COL14A1: variants seen among roughly 807,000 people sequenced by gnomAD.
COL14A1 encodes the protein collagen alpha-1(XIV) chain.
Under a neutral mutation model 230.3 loss-of-function variants are expected in COL14A1, and 136 were observed. The ratio of observed to expected loss-of-function variants is 0.59; its 90% CI spans 0.51 to 0.68. COL14A1 has a LOEUF of 0.68. Among genes scored for constraint, COL14A1 ranks in the 30% least tolerant of loss-of-function variants. COL14A1 has a pLI of 0.00. For missense variants in COL14A1, 1,976 were observed against 2,215.8 expected (o/e 0.89, Z 2.17); for synonymous variants, 792 against 784.1 (o/e 1.01, Z -0.17).
intron 36 of COL14A1, 120 bp from the exon 37 acceptor site, chr8:120,309,889 C>A: frequency 1.1e-6 from 1 of 871,794 alleles, no homozygotes; most frequent in Non-Finnish European, 1.8e-6. Context: ...TATACTATTA[C>A]ACAGTGTGTT....
chr8:120,250,743 C>T lies in COL14A1; in HGVS notation c.2729C>T (p.Ala910Val), dbSNP rs1181305178. Residue 910 changes from alanine (A) to valine (V), a missense_variant, in exon 22 of 48, where the codon GCC (alanine) becomes GTC (valine). Around this residue, in one of 3 missense-constraint regions of COL14A1, gnomAD observed 1,791 missense variants for 2,019.5 expected, o/e 0.89. Transcript: ENST00000297848. ...TCCCAGGCCTCAGGCTTCAGCGACGCCCTGACAGGCATGGTGAAAACATGT... is the reference window on the plus strand; with the variant it reads ...TCCCAGGCCTCAGGCTTCAGCGACGTCCTGACAGGCATGGTGAAAACATGT... ...FASQASGFSDALTGMVKTLFL... is the reference protein window; with the variant it reads ...FASQASGFSDVLTGMVKTLFL... 2 of 1,614,194 alleles carry T rather than the reference C, an allele frequency of 1.2e-6. No homozygotes were observed. The highest frequency in any genetic ancestry group is 1.7e-6 in the Non-Finnish European group (2 of 1,180,044).
chr8:120,220,422 C>G (rs1432371689), intron 14 of COL14A1, among the ~76,000 whole-genome samples: 1 of 151,890 alleles, frequency 6.6e-6, no homozygotes, highest in Admixed American at 6.6e-5. Context: ...TATAGGCACG[C>G]ACCACCACGC....
intron 19 of COL14A1, among the ~76,000 whole-genome samples, chr8:120,241,444 C>T (rs1230168522): frequency 6.6e-6 from 1 of 152,078 alleles, no homozygotes; most frequent in Middle Eastern, 3.2e-3. Flanking sequence ...CTCTGAAAAG[C>T]TTTGGGTGAT....
chr8:120,280,435 A>T (rs1819999400), intron 29 of COL14A1, among the ~76,000 whole-genome samples: 1 of 152,206 alleles, frequency 6.6e-6, no homozygotes. Flanking sequence ...AACATATTAC[A>T]AGGGAGATGT....
At chr8:120,333,677 A>C (rs1309962899) in intron 42 of COL14A1, among the ~76,000 whole-genome samples, 1 of 152,186 alleles carries the variant, frequency 6.6e-6, no homozygotes, top group East Asian at 1.9e-4. Context: ...CGCAGGTCAG[A>C]AGTCTGGCGC....
intron 5 of COL14A1, among the ~76,000 whole-genome samples, chr8:120,188,450 A>T (rs1270905529): frequency 6.6e-6 from 1 of 152,064 alleles, no homozygotes; most frequent in Non-Finnish European, 1.5e-5. Context: ...AGTTCTTCCA[A>T]CTCTTCTCAT....
In COL14A1 at chr8:120,289,772, T is replaced by A; in HGVS notation, c.4236+6T>A. ...CAGGTGGAAACTCTGCACCGGTAAG[T>A]GAATAAACCCGTGAAGCTGTGTTAT... is the stretch of plus-strand genomic sequence containing the variant. On this transcript the variant is annotated splice_donor_region_variant and intron_variant, in intron 34 of 47. Transcript: ENST00000297848. 1 of 1,610,218 alleles carries A rather than the reference T, an allele frequency of 6.2e-7. No homozygotes were observed. The highest frequency in any genetic ancestry group is 8.5e-7 in the Non-Finnish European group (1 of 1,178,372).
intron 11 of COL14A1, among the ~76,000 whole-genome samples, chr8:120,208,705 A>T (rs1411021449): frequency 6.6e-6 from 1 of 152,158 alleles, no homozygotes; most frequent in Admixed American, 6.5e-5. Flanking sequence ...AGTAGAGAAA[A>T]AACTCCATAG....
intron 5 of COL14A1, among the ~76,000 whole-genome samples, chr8:120,180,113 A>G (rs1393616657): frequency 6.6e-6 from 1 of 152,152 alleles, no homozygotes; most frequent in Admixed American, 6.5e-5. Flanking sequence ...ACCTAGGCAA[A>G]ACCTCTGTTT....
chr8:120,321,725 T>C (rs1326442313), intron 40 of COL14A1, among the ~76,000 whole-genome samples: 1 of 152,120 alleles, frequency 6.6e-6, no homozygotes, highest in Non-Finnish European at 1.5e-5. Flanking sequence ...CTTTGCACCC[T>C]GGTTCTAACA....
chr8:120,161,864 C>T (rs1049208047), intron 3 of COL14A1, among the ~76,000 whole-genome samples: 2 of 152,154 alleles, frequency 1.3e-5, no homozygotes, highest in African/African-American at 4.8e-5. Context: ...GGGGTTTCAC[C>T]ACATTGGCCA....
In COL14A1 at chr8:120,162,491, C is replaced by G; in HGVS notation, c.271C>G (p.Pro91Ala). ...TAAAGCAATTATTCAAGGCCTTATG[C>G]CAGACCAGAATTACACAGTTCAAAT... ...ATKAIIQGLM[P>A]DQNYTVQIIA... is the part of the protein sequence containing the mutation. The change falls in exon 4 of 48, where the codon CCA (proline) becomes GCA (alanine). Residue 91 changes from proline (P) to alanine (A), a missense_variant. Physicochemically the swap from Pro to Ala is conservative, Grantham distance 27 (BLOSUM62 -1). Coordinates refer to ENST00000297848, the MANE Select transcript of COL14A1 (RefSeq NM_021110.4). The G allele has an allele frequency of 2.5e-6, 4 of 1,612,794 alleles. No individual in the cohort carries two copies. Among genetic ancestry groups the G allele is most frequent in the Non-Finnish European group, 3.4e-6 (4 of 1,179,380 alleles).
intron 5 of COL14A1, among the ~76,000 whole-genome samples, chr8:120,181,219 G>A (rs916469616): frequency 5.9e-5 from 9 of 152,182 alleles, no homozygotes; most frequent in South Asian, 4.2e-4. Context: ...GTCAACTATG[G>A]GGAGCTTTAA....
At chr8:120,290,294 C>T (rs1460562713) in intron 34 of COL14A1, among the ~76,000 whole-genome samples, 2 of 152,076 alleles carry the variant, frequency 1.3e-5, no homozygotes, top group East Asian at 1.9e-4. Context: ...TATTGAGTAA[C>T]ATACCATTCT....
chr8:120,220,779 GATGGTGATGATGGTGATGATA>G lies in COL14A1; in HGVS notation c.1738-4288_1738-4268del, dbSNP rs1395980901. On this transcript the variant is annotated intron_variant, in intron 14 of 47. Transcript: ENST00000297848. ...GCTGCTGCTAATTGATGATGATAAT[GATGGTGATGATGGTGATGATA>G]ATGGTGATGATGGTGATGATGATGG... Among the ~76,000 whole-genome samples the G allele has an allele frequency of 3.9e-5, 6 of 152,204 alleles. No homozygotes were observed. The South Asian group carries it at 1.0e-3, about 26-fold the overall frequency.
At chr8:120,207,199 A>C (rs1258265128) in intron 10 of COL14A1, 105 bp downstream of exon 10, 1 of 1,041,476 alleles carries the variant, frequency 9.6e-7, no homozygotes, top group Non-Finnish European at 1.3e-6. Flanking sequence ...TCCGTCACAG[A>C]CATTTTAAAG....
intron 23 of COL14A1, among the ~76,000 whole-genome samples, 175 bp from the exon 24 acceptor site, chr8:120,262,693 T>C (rs1329365857): frequency 2.6e-5 from 4 of 152,152 alleles, no homozygotes; most frequent in African/African-American, 9.7e-5. Flanking sequence ...AAAATACCAG[T>C]GAATATATTA....
intron 11 of COL14A1, among the ~76,000 whole-genome samples, chr8:120,209,068 AC>A (rs1412331270): frequency 6.6e-6 from 1 of 152,156 alleles, no homozygotes; most frequent in Non-Finnish European, 1.5e-5. Context: ...CACTCTCTGA[AC>A]TTTCTTGGAT....
rs752621071 is a variant in COL14A1, at chr8:120,225,212, C to G, written c.1862C>G (p.Thr621Ser). ...QSEPLTGVFT[T>S]EEVPAQQYLE... ...GAGCCTCTGACTGGAGTTTTTACCA[C>G]CGGTAAGCAGCCTCATTATGGTTTG... The change falls in exon 15 of 48, where the codon ACC becomes AGC. Residue 621 changes from threonine (T) to serine (S), a missense_variant and splice_region_variant. By Grantham distance (58) the Thr-to-Ser change is moderately conservative. Transcript: ENST00000297848. 2.5e-5 allele frequency: 40 copies of G among 1,610,782 alleles called. No individual in the cohort carries two copies.
Sources: allele counts gnomAD v4.1 joint callset (sites outside exome capture counted in the v4.1 genomes callset), GRCh38; gene constraint gnomAD v4.1.1; regional missense constraint gnomAD v4.1.1; transcripts MANE v1.5; gene names NCBI Gene and HGNC (gene_info 2026-07-23, HGNC 2026-07-21).